Variants in RSPO2 observed in about 807,000 individuals in gnomAD.
RSPO2 encodes the protein R-spondin-2.
In RSPO2, 14 loss-of-function variants were observed where a neutral mutation model predicts 30.9. The ratio of observed to expected loss-of-function variants is 0.45; its 90% CI spans 0.30 to 0.71. The LOEUF (loss-of-function observed/expected upper bound fraction) is 0.71. RSPO2 is among the 30% of genes least tolerant of loss of function. The pLI, the probability that RSPO2 is intolerant of heterozygous loss-of-function variation, is 0.08. For synonymous variants in RSPO2, 107 were observed against 96.4 expected (o/e 1.11, Z -0.64); for missense variants, 264 against 301.9 (o/e 0.87, Z 0.93).
At chr8:107,949,868 A>AT (rs1813185943) in intron 5 of RSPO2, among the ~76,000 whole-genome samples, 2 of 152,158 alleles carry the variant, frequency 1.3e-5, no homozygotes, top group Admixed American at 1.3e-4. Context: ...AATTTATATG[A>AT]TTTTTTTAAA....
intron 2 of RSPO2, among the ~76,000 whole-genome samples, chr8:108,051,100 AG>A (rs1812065829): frequency 6.6e-6 from 1 of 152,228 alleles, no homozygotes; most frequent in Non-Finnish European, 1.5e-5. Flanking sequence ...AATCTTCTCT[AG>A]CCCCACTGTA....
chr8:108,034,871 C>T (rs193114360), intron 2 of RSPO2, among the ~76,000 whole-genome samples: 3 of 152,330 alleles, frequency 2.0e-5, no homozygotes, highest in East Asian at 1.9e-4. Flanking sequence ...TGTGACCAGT[C>T]GCACTCCTAC....
chr8:107,992,329 T>C (rs1052999090), intron 2 of RSPO2, among the ~76,000 whole-genome samples: 1 of 152,144 alleles, frequency 6.6e-6, no homozygotes, highest in Non-Finnish European at 1.5e-5. Context: ...CCCCGTGTTT[T>C]CACTTATAAG....
chr8:108,065,372 G>A (rs563372009), intron 2 of RSPO2, among the ~76,000 whole-genome samples: 1 of 150,954 alleles, frequency 6.6e-6, no homozygotes, highest in South Asian at 2.1e-4. Flanking sequence ...TCTTACTCCA[G>A]CAAGAGTTTT....
intron 3 of RSPO2, among the ~76,000 whole-genome samples, chr8:107,980,992 T>C (rs867749302): frequency 6.6e-6 from 1 of 152,184 alleles, no homozygotes; most frequent in Non-Finnish European, 1.5e-5. Context: ...ACGAAGACAT[T>C]TGTTATTTTT....
At chr8:108,020,207 A>T (rs1200739661) in intron 2 of RSPO2, among the ~76,000 whole-genome samples, 1 of 152,100 alleles carries the variant, frequency 6.6e-6, no homozygotes, top group East Asian at 1.9e-4. Context: ...CACCACAGTC[A>T]GCAGCTCTTA....
chr8:108,083,412 CCGCCCG>C lies in RSPO2; in HGVS notation c.-391_-386del, dbSNP rs1786951920. The C allele has an allele frequency of 6.6e-6, 1 of 152,262 alleles. No individual in the cohort carries two copies. The highest frequency in any genetic ancestry group is 2.4e-5 in the African/African-American group (1 of 41,466). The allele number at this position is 152,262 out of a possible 1,614,324, so 9.4% of individuals were successfully genotyped here. A position where few individuals can be genotyped will look rare whatever the true frequency, so the allele number is the denominator to read the frequency against. On this transcript the variant is annotated 5_prime_UTR_variant, in exon 1 of 6. Transcript: ENST00000276659. ...GTGCAGCCACTGGGATGCTCCGTCC[CCGCCCG>C]CGAGCGCGGTCCCCAGGCAAGGGGT...
At chr8:107,993,955 CTCATCTTCA>C (rs755526067) in intron 2 of RSPO2, among the ~76,000 whole-genome samples, 24 of 152,062 alleles carry the variant, frequency 1.6e-4, no homozygotes, top group Non-Finnish European at 3.5e-4. Context: ...CCCATAGAAT[CTCATCTTCA>C]TCATCTTCGT....
At chr8:107,943,702 C>T (rs1255001760) in intron 5 of RSPO2, among the ~76,000 whole-genome samples, 3 of 152,210 alleles carry the variant, frequency 2.0e-5, no homozygotes, top group African/African-American at 7.2e-5. Context: ...TTAAGTCAAT[C>T]TGCACACTTA....
chr8:107,971,412 A>T (rs904044238), intron 3 of RSPO2, among the ~76,000 whole-genome samples: 1 of 152,244 alleles, frequency 6.6e-6, no homozygotes, highest in Non-Finnish European at 1.5e-5. Context: ...TTAGAGTATC[A>T]GTTTGATATA....
chr8:108,003,307 ATATATTTTTT>A (rs1815336199), intron 2 of RSPO2, among the ~76,000 whole-genome samples: 14 of 21,892 alleles, frequency 6.4e-4, no homozygotes, highest in African/African-American at 2.4e-3. Flanking sequence ...ATATATATAT[ATATATTTTTT>A]TTTTTTTTTT....
chr8:107,914,910 T>A (rs1811933814), intron 5 of RSPO2, among the ~76,000 whole-genome samples: 1 of 152,160 alleles, frequency 6.6e-6, no homozygotes, highest in South Asian at 2.1e-4. Context: ...CATCTAAATG[T>A]TTTATTAATA....
intron 2 of RSPO2, among the ~76,000 whole-genome samples, chr8:108,028,217 C>T (rs1423515505): frequency 1.3e-5 from 2 of 152,148 alleles, no homozygotes; most frequent in Non-Finnish European, 2.9e-5. Context: ...CCCTAAACTG[C>T]TCTGTGCTTC....
At chr8:108,068,173 T>C (rs1812730643) in intron 2 of RSPO2, among the ~76,000 whole-genome samples, 2 of 152,074 alleles carry the variant, frequency 1.3e-5, no homozygotes, top group African/African-American at 4.8e-5. Context: ...GAAAAAGTAA[T>C]AAAGATGTTG....
chr8:107,952,599 A>C (rs1055648526), intron 5 of RSPO2, among the ~76,000 whole-genome samples: 1 of 152,218 alleles, frequency 6.6e-6, no homozygotes, highest in Non-Finnish European at 1.5e-5. Flanking sequence ...GACCACATAA[A>C]TTGTGACTCA....
chr8:108,049,940 T>C (rs1178711390), intron 2 of RSPO2, among the ~76,000 whole-genome samples: 3 of 152,184 alleles, frequency 2.0e-5, no homozygotes, highest in African/African-American at 7.2e-5. Flanking sequence ...ACATATATCT[T>C]AGGCTTTACT....
intron 2 of RSPO2, among the ~76,000 whole-genome samples, chr8:108,025,812 A>G (rs902967946): frequency 2.6e-5 from 4 of 152,188 alleles, no homozygotes; most frequent in African/African-American, 9.7e-5. Flanking sequence ...GTGAGCCACT[A>G]CACCTGGCCA....
intron 5 of RSPO2, among the ~76,000 whole-genome samples, chr8:107,922,499 C>T (rs1365486320): frequency 2.0e-5 from 3 of 152,060 alleles, no homozygotes; most frequent in African/African-American, 4.8e-5. Flanking sequence ...TAATCAATAT[C>T]ACTAAAATGG....
At chr8:107,925,222 G>A (rs533654102) in intron 5 of RSPO2, among the ~76,000 whole-genome samples, 11 of 151,548 alleles carry the variant, frequency 7.3e-5, no homozygotes, top group South Asian at 2.1e-4. Flanking sequence ...GGTGACAGGC[G>A]CACTAAAATC....
Sources: allele counts gnomAD v4.1 joint callset (sites outside exome capture counted in the v4.1 genomes callset), GRCh38; gene constraint gnomAD v4.1.1; transcripts MANE v1.5; gene names NCBI Gene and HGNC (gene_info 2026-07-23, HGNC 2026-07-21).